Variants in PTPRD observed in about 807,000 individuals in gnomAD.
PTPRD encodes the protein protein tyrosine phosphatase receptor type D.
Under a neutral mutation model 214.5 loss-of-function variants are expected in PTPRD, and 34 were observed. That is an observed-to-expected ratio of 0.16 (90% CI 0.12 to 0.21). PTPRD has a LOEUF of 0.21. PTPRD is among the 10% of genes least tolerant of loss of function. The pLI, the probability that PTPRD is intolerant of heterozygous loss-of-function variation, is 1.00. For synonymous variants in PTPRD, 1,128 were observed against 845.7 expected (o/e 1.33, Z -5.79); for missense variants, 2,545 against 2,398.7 (o/e 1.06, Z -1.27).
At chr9:10,276,362 A>C (rs1411310136) in intron 3 of PTPRD, among the ~76,000 whole-genome samples, 1 of 152,216 alleles carries the variant, frequency 6.6e-6, no homozygotes, top group Non-Finnish European at 1.5e-5. Context: ...AGGACAATGC[A>C]AGAGAAAAGT....
chr9:8,439,231 G>A (rs1460519769), intron 34 of PTPRD, among the ~76,000 whole-genome samples: 1 of 152,148 alleles, frequency 6.6e-6, no homozygotes, highest in Non-Finnish European at 1.5e-5. Flanking sequence ...TTCTACTTCT[G>A]GTTTTGGCAT....
intron 11 of PTPRD, among the ~76,000 whole-genome samples, chr9:8,934,837 T>C (rs927014105): frequency 1.1e-4 from 16 of 151,898 alleles, no homozygotes; most frequent in African/African-American, 3.6e-4. Context: ...CTTTTTGGAT[T>C]CCATACGTAA....
chr9:9,694,607 G>A (rs889421761), intron 7 of PTPRD, among the ~76,000 whole-genome samples: 2 of 151,974 alleles, frequency 1.3e-5, no homozygotes, highest in Non-Finnish European at 2.9e-5. Context: ...AGGGATTAAA[G>A]TAAAAAAACC....
intron 35 of PTPRD, among the ~76,000 whole-genome samples, chr9:8,418,023 A>G (rs1451744981): frequency 1.3e-5 from 2 of 152,140 alleles, no homozygotes; most frequent in African/African-American, 2.4e-5. Context: ...AATGTTCTTT[A>G]AAGTCAGGAA....
At chr9:8,793,752 C>T (rs967647117) in intron 11 of PTPRD, among the ~76,000 whole-genome samples, 8 of 152,068 alleles carry the variant, frequency 5.3e-5, no homozygotes, top group East Asian at 1.9e-4. Flanking sequence ...TTTAAAATAA[C>T]GCAAGTGCTT....
chr9:8,543,480 A>G (rs2079018992), intron 14 of PTPRD, among the ~76,000 whole-genome samples: 1 of 152,188 alleles, frequency 6.6e-6, no homozygotes, highest in Admixed American at 6.5e-5. Flanking sequence ...TGCATTCACT[A>G]AAGGAAGGAA....
At chr9:8,777,527 GA>G (rs2095532746) in intron 11 of PTPRD, among the ~76,000 whole-genome samples, 1 of 152,054 alleles carries the variant, frequency 6.6e-6, no homozygotes, top group South Asian at 2.1e-4. Context: ...CATAATCTAG[GA>G]AAAAGTTTAC....
intron 2 of PTPRD, among the ~76,000 whole-genome samples, chr9:10,600,689 T>C (rs2077737729): frequency 1.3e-5 from 2 of 151,768 alleles, no homozygotes. Context: ...AACAGAAAAC[T>C]GATCAATTTG....
At chr9:10,406,608 T>C (rs928153956) in intron 2 of PTPRD, among the ~76,000 whole-genome samples, 1 of 151,542 alleles carries the variant, frequency 6.6e-6, no homozygotes, top group Admixed American at 6.6e-5. Flanking sequence ...ATGAAACACA[T>C]TGCTGGTGTG....
intron 3 of PTPRD, among the ~76,000 whole-genome samples, chr9:10,149,845 C>T (rs1219520609): frequency 6.6e-6 from 1 of 151,854 alleles, no homozygotes; most frequent in African/African-American, 2.4e-5. Flanking sequence ...ATTCTTCTGC[C>T]TCAGCCTCCC....
intron 12 of PTPRD, among the ~76,000 whole-genome samples, chr9:8,678,853 T>G (rs1226965557): frequency 1.3e-5 from 2 of 152,188 alleles, no homozygotes; most frequent in Non-Finnish European, 2.9e-5. Context: ...TTCTCTGGAT[T>G]AAAAGTAGGG....
At chr9:9,623,541 C>G (rs888244746) in intron 7 of PTPRD, among the ~76,000 whole-genome samples, 1 of 152,126 alleles carries the variant, frequency 6.6e-6, no homozygotes, top group Admixed American at 6.5e-5. Flanking sequence ...CATATTACCC[C>G]CTTTCTAGTA....
At chr9:8,580,506 G>C (rs1438048572) in intron 14 of PTPRD, among the ~76,000 whole-genome samples, 1 of 152,102 alleles carries the variant, frequency 6.6e-6, no homozygotes, top group Non-Finnish European at 1.5e-5. Flanking sequence ...TTTTATTTTT[G>C]AAAGTGAATA....
intron 5 of PTPRD, among the ~76,000 whole-genome samples, chr9:9,798,219 C>T (rs578116371): frequency 6.6e-5 from 10 of 152,166 alleles, no homozygotes; most frequent in African/African-American, 2.4e-4. Flanking sequence ...ATTCATTCCT[C>T]ACTAGATTTA....
intron 4 of PTPRD, among the ~76,000 whole-genome samples, chr9:10,010,483 G>T (rs2096574421): frequency 6.6e-6 from 1 of 151,680 alleles, no homozygotes; most frequent in Non-Finnish European, 1.5e-5. Context: ...GGTGAAAAAT[G>T]AGGAAAATGA....
intron 12 of PTPRD, among the ~76,000 whole-genome samples, chr9:8,639,436 A>G (rs906939343): frequency 2.0e-5 from 3 of 151,754 alleles, no homozygotes; most frequent in Admixed American, 6.6e-5. Flanking sequence ...TAGCCTAAAA[A>G]CTGTCAACCG....
chr9:10,063,527 T>G (rs908414277), intron 3 of PTPRD, among the ~76,000 whole-genome samples: 1 of 152,072 alleles, frequency 6.6e-6, no homozygotes, highest in Non-Finnish European at 1.5e-5. Flanking sequence ...TATTTTAACT[T>G]CCTTCAGTCT....
At chr9:9,949,744 G>T (rs956594481) in intron 4 of PTPRD, among the ~76,000 whole-genome samples, 7 of 152,136 alleles carry the variant, frequency 4.6e-5, no homozygotes, top group African/African-American at 1.4e-4. Context: ...CGAATGGGGA[G>T]CAAGTATGTA....
intron 5 of PTPRD, among the ~76,000 whole-genome samples, chr9:9,821,018 T>A (rs2050519916): frequency 6.6e-6 from 1 of 152,148 alleles, no homozygotes; most frequent in African/African-American, 2.4e-5. Flanking sequence ...CCATGAAACA[T>A]GTTGGTAGTT....
Sources: gnomAD v4.1 joint callset for allele counts (sites outside exome capture counted in the v4.1 genomes callset) on GRCh38, gnomAD v4.1.1 for gene constraint, MANE v1.5 for transcripts, NCBI Gene and HGNC (gene_info 2026-07-23, HGNC 2026-07-21) for gene names.